The following CATSPERE variants were observed in gnomAD, a reference collection of about 807,000 sequenced individuals.
CATSPERE encodes the protein cation channel sperm-associated auxiliary subunit epsilon.
In CATSPERE, 93 loss-of-function variants were observed where a neutral mutation model predicts 114.1. The ratio of observed to expected loss-of-function variants is 0.81; its 90% confidence interval spans 0.69 to 0.97. The LOEUF (loss-of-function observed/expected upper bound fraction) is 0.97. CATSPERE is among the 50% of genes least tolerant of loss of function. The pLI, the probability that CATSPERE is intolerant of heterozygous loss-of-function variation, is 0.00. For synonymous variants in CATSPERE, 341 were observed against 384.1 expected, an observed-to-expected ratio of 0.89 and a Z score of 1.31; for missense variants, 1,058 against 1,131.6, an observed-to-expected ratio of 0.93 and a Z score of 0.93.
intron 20 of CATSPERE, among the ~76,000 whole-genome samples, chr1:244,634,201 G>A (rs1432580910): frequency 2.6e-5 from 4 of 152,040 alleles, no homozygotes; most frequent in Non-Finnish European, 5.9e-5. Context: ...TGTTGTTTGT[G>A]GGTTGTATTT....
At chr1:244,631,345 A>C (rs2148747249) in intron 20 of CATSPERE, among the ~76,000 whole-genome samples, 1 of 152,174 alleles carries the variant, frequency 6.6e-6, no homozygotes, top group South Asian at 2.1e-4. Context: ...AAACTATAAA[A>C]CTCATAGAAG....
chr1:244,460,459 C>T (rs1210689810), upstream of CATSPERE, among the ~76,000 whole-genome samples: 1 of 152,224 alleles, frequency 6.6e-6, no homozygotes, highest in Non-Finnish European at 1.5e-5. Context: ...CCTATGATTT[C>T]ACCCCTGACC....
In CATSPERE at chr1:244,504,022, T is replaced by C. The variant is rs932787596; in HGVS notation, c.429+4943T>C. 5.3e-5 allele frequency among the ~76,000 whole-genome samples: 8 copies of C among 152,242 alleles called. No individual in the cohort carries two copies. Among genetic ancestry groups the C allele is most frequent in the African/African-American group, 1.9e-4 (8 of 41,474 alleles). On this transcript the variant is annotated intron_variant, in intron 7 of 21. Coordinates refer to ENST00000366534, the MANE Select transcript of CATSPERE (RefSeq NM_001130957.2). The surrounding 1 kb of genome is among the most constrained non-coding windows in gnomAD (Gnocchi z 4.1). ...TTTCATGCTTATTTTTTTCCTTTTTTTCTAAAGTTTTATTTTTGACTCTGT... is the reference window on the plus strand; with the variant it reads ...TTTCATGCTTATTTTTTTCCTTTTTCTCTAAAGTTTTATTTTTGACTCTGT...
At chr1:244,598,738 C>T (rs1668775452) in intron 17 of CATSPERE, 1 of 168,184 alleles carries the variant, frequency 5.9e-6, no homozygotes, top group Admixed American at 5.5e-5. Context: ...CGCTCAGAAG[C>T]TTGACATCTG....
At chr1:244,557,889 C>T (rs1235886337) in intron 9 of CATSPERE, among the ~76,000 whole-genome samples, 1 of 151,626 alleles carries the variant, frequency 6.6e-6, no homozygotes, top group Non-Finnish European at 1.5e-5. Flanking sequence ...CTTTGTATTT[C>T]AGCTTGTATA....
At position 244,613,099 on chromosome 1, in the gene CATSPERE, T is replaced by C. The variant is rs1434117195; in HGVS notation, c.2490+2773T>C. Among the ~76,000 whole-genome samples the C allele has an allele frequency of 2.0e-5, 3 of 152,278 alleles. No homozygotes were observed. The East Asian group carries it at 5.8e-4, about 29-fold the overall frequency. On this transcript the variant is annotated intron_variant, in intron 19 of 21. Transcript: ENST00000366534. The stretch of plus-strand genomic sequence containing the variant: ...TACATAATGATACAAGGCTATTAGG[T>C]CTTTACTAGCAATGCTTTGTTGTAT...
At chr1:244,498,970 G>T in intron 6 of CATSPERE, 32 bp from the exon 7 acceptor site, 1 of 1,511,084 alleles carries the variant, frequency 6.6e-7, no homozygotes, top group African/African-American at 1.4e-5. Context: ...TGTACAAAAT[G>T]TAAAGAAATG....
At chr1:244,621,618 A>G (rs898608119) in intron 20 of CATSPERE, among the ~76,000 whole-genome samples, 2 of 151,904 alleles carry the variant, frequency 1.3e-5, no homozygotes, top group Non-Finnish European at 2.9e-5. Context: ...AGAAACAACA[A>G]TCCACAAAAC....
chr1:244,609,773 G>A (rs1228381232), intron 18 of CATSPERE, among the ~76,000 whole-genome samples: 1 of 152,222 alleles, frequency 6.6e-6, no homozygotes, highest in Non-Finnish European at 1.5e-5. Context: ...TCTCGGCCAA[G>A]CACATGCCTG....
At chr1:244,486,561 C>T (rs3123468) in intron 5 of CATSPERE, among the ~76,000 whole-genome samples, 265 of 62,104 alleles carry the variant, frequency 4.3e-3, no homozygotes, top group East Asian at 0.018. Context: ...TACTCGTGGG[C>T]CAGGTGTAGA....
At chr1:244,545,606 C>A (rs1365680122) in intron 8 of CATSPERE, among the ~76,000 whole-genome samples, 1 of 152,180 alleles carries the variant, frequency 6.6e-6, no homozygotes, top group Non-Finnish European at 1.5e-5. Flanking sequence ...TAACTATTCT[C>A]CTTTTAGGAG....
intron 6 of CATSPERE, among the ~76,000 whole-genome samples, chr1:244,498,505 A>T (rs1260209341): frequency 1.3e-5 from 2 of 152,224 alleles, no homozygotes; most frequent in East Asian, 3.9e-4. Context: ...CATCTATTGA[A>T]CTCTCATCAA....
intron 20 of CATSPERE, among the ~76,000 whole-genome samples, chr1:244,621,053 T>TATATA (rs1239260639): frequency 9.5e-5 from 3 of 31,712 alleles, no homozygotes; most frequent in African/African-American, 2.8e-4. Flanking sequence ...TATATATAAA[T>TATATA]ATATATAAAT....
chr1:244,534,998 C>G (rs1680155446), intron 8 of CATSPERE, among the ~76,000 whole-genome samples: 1 of 151,872 alleles, frequency 6.6e-6, no homozygotes, highest in South Asian at 2.1e-4. Flanking sequence ...AGGGGGCACC[C>G]CAAGCCCAGT....
chr1:244,518,830 T>C (rs1453467066), intron 8 of CATSPERE, 132 bp downstream of exon 8: 1 of 523,820 alleles, frequency 1.9e-6, no homozygotes, highest in Non-Finnish European at 3.3e-6. Flanking sequence ...ACATAAAAAA[T>C]TTGATAATCA....
intron 8 of CATSPERE, among the ~76,000 whole-genome samples, chr1:244,550,977 T>C (rs1422097970): frequency 1.3e-5 from 2 of 152,212 alleles, no homozygotes; most frequent in African/African-American, 4.8e-5. Context: ...AGATAGACTC[T>C]GCCCTGTCAA....
At chr1:244,558,289 C>T (rs376535790) in intron 9 of CATSPERE, among the ~76,000 whole-genome samples, 7 of 151,856 alleles carry the variant, frequency 4.6e-5, no homozygotes, top group African/African-American at 9.7e-5. Flanking sequence ...ACTACAGGCA[C>T]GTGCCACCAT....
At chr1:244,544,056 C>T (rs1479589974) in intron 8 of CATSPERE, among the ~76,000 whole-genome samples, 1 of 151,654 alleles carries the variant, frequency 6.6e-6, no homozygotes, top group Non-Finnish European at 1.5e-5. Context: ...CAAAAGAAAA[C>T]TTCACACAAA....
intron 7 of CATSPERE, among the ~76,000 whole-genome samples, chr1:244,501,774 T>C (rs1674069511): frequency 6.6e-6 from 1 of 152,242 alleles, no homozygotes; most frequent in Non-Finnish European, 1.5e-5. Context: ...TTTTATTAAA[T>C]CCTTTCTATG....
Sources: gnomAD v4.1 joint callset for allele counts (sites outside exome capture counted in the v4.1 genomes callset) on GRCh38, gnomAD v4.1.1 for gene constraint, Gnocchi (gnomAD v3.1) non-coding constraint, MANE v1.5 for transcripts, NCBI Gene and HGNC (gene_info 2026-07-23, HGNC 2026-07-21) for gene names.